The following LOC728392 variants were observed in gnomAD, a reference collection of about 807,000 sequenced individuals.
the LOC728392 span, chr17:5,499,925 ACTC>A: frequency 1.0e-6 from 1 of 985,408 alleles, no homozygotes; most frequent in Non-Finnish European, 1.2e-6. Flanking sequence ...ACCAGTCTCG[ACTC>A]CTCCGGGCAG....
chr17:5,500,772 C>T, the LOC728392 span: 1 of 1,201,272 alleles, frequency 8.3e-7, no homozygotes, highest in Non-Finnish European at 1.1e-6. This position sits in a 1 kb window ranked among gnomAD's most constrained non-coding sequence, Gnocchi z 5.4. Flanking sequence ...CTGCCCGGCG[C>T]GGCCCCCCTG....
chr17:5,500,481 G>A, the LOC728392 span: 35 of 1,152,678 alleles, frequency 3.0e-5, no homozygotes, highest in Non-Finnish European at 3.7e-5. The surrounding 1 kb of genome is among the most constrained non-coding windows in gnomAD (Gnocchi z 5.4). Flanking sequence ...AAAGAAACAA[G>A]CATCGAAAGC....
the LOC728392 span, chr17:5,499,810 T>G: frequency 1.0e-6 from 1 of 985,602 alleles, no homozygotes; most frequent in African/African-American, 1.8e-5. Context: ...TCCTCAGGAG[T>G]GCGCCAGCTC....
chr17:5,500,716 G>C, the LOC728392 span: 1 of 1,249,066 alleles, frequency 8.0e-7, no homozygotes, highest in African/African-American at 1.6e-5. This position sits in a 1 kb window ranked among gnomAD's most constrained non-coding sequence, Gnocchi z 5.4. Flanking sequence ...TCGTCCAGTG[G>C]AGGCGCCTCC....
the LOC728392 span, chr17:5,500,634 G>A: frequency 7.9e-7 from 1 of 1,271,452 alleles, no homozygotes; most frequent in South Asian, 1.3e-5. This position sits in a 1 kb window ranked among gnomAD's most constrained non-coding sequence, Gnocchi z 5.4. Context: ...AAAGATGCAG[G>A]AGGTGATGGA....
the LOC728392 span, chr17:5,500,948 G>T: frequency 8.0e-7 from 1 of 1,252,438 alleles, no homozygotes. This position sits in a 1 kb window ranked among gnomAD's most constrained non-coding sequence, Gnocchi z 5.4. Context: ...GAAAGAGCCC[G>T]TCAGCCATGG....
chr17:5,500,996 C>G, the LOC728392 span: 9 of 1,204,546 alleles, frequency 7.5e-6, no homozygotes, highest in African/African-American at 1.7e-5. The surrounding 1 kb of genome is among the most constrained non-coding windows in gnomAD (Gnocchi z 5.4). Context: ...GGGTCTGGGT[C>G]AGAGCGCAGT....
chr17:5,499,779 G>A, the LOC728392 span: 1 of 985,894 alleles, frequency 1.0e-6, no homozygotes, highest in Non-Finnish European at 1.2e-6. Flanking sequence ...GTGGACCCCG[G>A]CTAGGGCCCC....
chr17:5,500,752 C>A, the LOC728392 span: 1 of 1,225,756 alleles, frequency 8.2e-7, no homozygotes, highest in Admixed American at 3.6e-5. The surrounding 1 kb of genome is among the most constrained non-coding windows in gnomAD (Gnocchi z 5.4). Flanking sequence ...CGCGATGCGG[C>A]CTTCGGGGGC....
At chr17:5,500,791 C>T in the LOC728392 span, 1 of 1,155,340 alleles carries the variant, frequency 8.7e-7, no homozygotes, top group Non-Finnish European at 1.1e-6. This position sits in a 1 kb window ranked among gnomAD's most constrained non-coding sequence, Gnocchi z 5.4. Flanking sequence ...TGCGCCCTCC[C>T]GCCCGCGCGC....
At chr17:5,500,675 G>T in the LOC728392 span, 1 of 1,273,034 alleles carries the variant, frequency 7.9e-7, no homozygotes, top group Non-Finnish European at 1.0e-6. This position sits in a 1 kb window ranked among gnomAD's most constrained non-coding sequence, Gnocchi z 5.4. Context: ...TGAAGATGGA[G>T]AGGTGCGGAA....
the LOC728392 span, chr17:5,500,827 A>G: frequency 8.4e-7 from 1 of 1,191,740 alleles, no homozygotes; most frequent in South Asian, 1.5e-5. The surrounding 1 kb of genome is among the most constrained non-coding windows in gnomAD (Gnocchi z 5.4). Context: ...CCCGCGGCCG[A>G]CGCCGACCTG....
chr17:5,500,825 C>T, the LOC728392 span: 2 of 1,180,242 alleles, frequency 1.7e-6, no homozygotes, highest in African/African-American at 1.7e-5. This position sits in a 1 kb window ranked among gnomAD's most constrained non-coding sequence, Gnocchi z 5.4. Context: ...TGCCCGCGGC[C>T]GACGCCGACC....
the LOC728392 span, chr17:5,499,595 G>T: frequency 1.5e-3 from 289 of 186,726 alleles, 2 homozygotes; most frequent in East Asian, 0.016. Flanking sequence ...GGTGGTTCCT[G>T]GTATTAAGCC....
At chr17:5,500,840 C>T in the LOC728392 span, 87 of 1,212,568 alleles carry the variant, frequency 7.2e-5, no homozygotes, top group African/African-American at 1.2e-3. This position sits in a 1 kb window ranked among gnomAD's most constrained non-coding sequence, Gnocchi z 5.4. Context: ...CCGACCTGGG[C>T]CCGCGGGCAG....
chr17:5,500,560 G>T, the LOC728392 span: 2 of 1,214,290 alleles, frequency 1.6e-6, no homozygotes, highest in Non-Finnish European at 2.1e-6. The surrounding 1 kb of genome is among the most constrained non-coding windows in gnomAD (Gnocchi z 5.4). Context: ...TTCCCTCCCC[G>T]CTCGGTCCTG....
chr17:5,499,629 C>A, the LOC728392 span: 3 of 342,166 alleles, frequency 8.8e-6, no homozygotes, highest in Admixed American at 6.5e-5. Context: ...GATGACAAAT[C>A]CCTAGGGATC....
the LOC728392 span, chr17:5,499,873 A>C: frequency 1.0e-6 from 1 of 985,802 alleles, no homozygotes; most frequent in South Asian, 4.7e-5. Flanking sequence ...AGTCCCGGAC[A>C]CTTCCAGGAC....
chr17:5,500,897 G>A, the LOC728392 span: 1 of 1,259,176 alleles, frequency 7.9e-7, no homozygotes, highest in Non-Finnish European at 1.0e-6. This position sits in a 1 kb window ranked among gnomAD's most constrained non-coding sequence, Gnocchi z 5.4. Flanking sequence ...CTTCGGACTC[G>A]GGGTCCGGGC....
Sources: gnomAD v4.1 joint callset for allele counts on GRCh38, gnomAD v4.1.1 for gene constraint, Gnocchi (gnomAD v3.1) non-coding constraint, MANE v1.5 for transcripts.